The following PTPRD variants were observed in gnomAD, a reference collection of about 807,000 sequenced individuals.
PTPRD encodes protein tyrosine phosphatase receptor type D.
Under a neutral mutation model 214.5 loss-of-function variants are expected in PTPRD, and 34 were observed. That is an observed-to-expected ratio of 0.16 (90% CI 0.12 to 0.21). The LOEUF (loss-of-function observed/expected upper bound fraction) is 0.21. Ranked by LOEUF, PTPRD falls within the 10% of genes least tolerant of loss-of-function variation. The probability of loss-of-function intolerance (pLI) is 1.00; values close to 1 mark genes in which losing one functional copy is unlikely to be tolerated. For synonymous variants in PTPRD, 1,128 were observed against 845.7 expected (o/e 1.33, Z -5.79); for missense variants, 2,545 against 2,398.7 (o/e 1.06, Z -1.27).
intron 2 of PTPRD, among the ~76,000 whole-genome samples, chr9:10,560,625 G>C (rs1372150594): frequency 6.6e-6 from 1 of 150,728 alleles, no homozygotes; most frequent in Non-Finnish European, 1.5e-5. Context: ...ATCAAATATG[G>C]AGTAAGAATA....
In PTPRD at chr9:9,752,302, G is replaced by A. The variant is rs138770618; in HGVS notation, c.-326+14508C>T. Among the ~76,000 whole-genome samples, 466 of 152,082 alleles carry A rather than the reference G, an allele frequency of 3.1e-3. 9 individuals carry two copies. Among genetic ancestry groups the A allele is most frequent in the Non-Finnish European group, 1.8e-3 (125 of 67,942 alleles). Reference sequence around the variant, plus strand: ...TTCCATAAGGCTTAATGTGGACTTCGATATTTAAGTAATTCATTAGCAGGC... The same window carrying A: ...TTCCATAAGGCTTAATGTGGACTTCAATATTTAAGTAATTCATTAGCAGGC... On this transcript the variant is annotated intron_variant, in intron 6 of 45. Transcript: ENST00000381196.
At chr9:9,652,565 C>A (rs146842402) in intron 7 of PTPRD, among the ~76,000 whole-genome samples, 1 of 151,848 alleles carries the variant, frequency 6.6e-6, no homozygotes, top group Non-Finnish European at 1.5e-5. Context: ...AGGACAAATT[C>A]AAGGTCTTTT....
intron 5 of PTPRD, among the ~76,000 whole-genome samples, chr9:9,916,267 A>G (rs893345512): frequency 1.3e-5 from 2 of 152,030 alleles, no homozygotes; most frequent in Non-Finnish European, 2.9e-5. Context: ...GGTAAATACC[A>G]TCATGGAAAC....
At chr9:9,275,174 A>ATATGTT (rs1491381199) in intron 9 of PTPRD, among the ~76,000 whole-genome samples, 7 of 28,964 alleles carry the variant, frequency 2.4e-4, no homozygotes, top group African/African-American at 1.2e-3. Context: ...ACATATATAT[A>ATATGTT]ATATATATGT....
In PTPRD at chr9:8,316,140, C is replaced by G. The variant is rs568702396; in HGVS notation, c.*1734G>C. Reference sequence around the variant, plus strand: ...ATTGATTATAAAAGGAAGAAGGGCCCTGATTATCCAAGTGCTTTGGGCTGG... The same window carrying G: ...ATTGATTATAAAAGGAAGAAGGGCCGTGATTATCCAAGTGCTTTGGGCTGG... On this transcript the variant is annotated 3_prime_UTR_variant, in exon 46 of 46. Transcript: ENST00000381196. The G allele has an allele frequency of 4.3e-6, 1 of 229,978 alleles. No individual in the cohort carries two copies. The highest frequency in any genetic ancestry group is 6.2e-5 in the East Asian group (1 of 16,090). 14.2% of individuals were successfully genotyped at this position (229,978 alleles called of 1,614,324 possible).
rs2097678904 is a variant in PTPRD at position 10,373,920 on chromosome 9, T to C, written c.-599-32903A>G. ...ACTTCATTTATTTACATTATCATCA[T>C]GTTCCTTTAGGTTGTTGAGTTCACA... On this transcript the variant is annotated intron_variant, in intron 2 of 45. Coordinates refer to ENST00000381196, the MANE Select transcript of PTPRD (RefSeq NM_002839.4). Among the ~76,000 whole-genome samples, 3 of 152,232 alleles carry C rather than the reference T, an allele frequency of 2.0e-5. No homozygotes were observed. The South Asian group carries it at 6.2e-4, about 32-fold the overall frequency.
intron 12 of PTPRD, among the ~76,000 whole-genome samples, chr9:8,649,400 T>C (rs2096759504): frequency 1.3e-5 from 2 of 152,204 alleles, no homozygotes; most frequent in African/African-American, 2.4e-5. Flanking sequence ...TCTTACAGGA[T>C]AAGCTGACCA....
Position 9,180,050 on chromosome 9 carries a change from A to T in PTPRD, c.-143+3254T>A, listed in dbSNP as rs138089932. 4.0e-3 allele frequency among the ~76,000 whole-genome samples: 614 copies of T among 152,208 alleles called. 4 individuals carry two copies. The highest frequency in any genetic ancestry group is 0.013 in the African/African-American group (556 of 41,560). ...TGAAAAGTTAAGTATTTTGTGTTAC[A>T]TAAGTACCGATTGCGCCACTGGATG... On this transcript the variant is annotated intron_variant, in intron 10 of 45. Coordinates refer to ENST00000381196, the MANE Select transcript of PTPRD (RefSeq NM_002839.4).
chr9:9,634,040 C>T (rs2095676407), intron 7 of PTPRD, among the ~76,000 whole-genome samples: 1 of 152,054 alleles, frequency 6.6e-6, no homozygotes, highest in Non-Finnish European at 1.5e-5. Flanking sequence ...CATATCAGAT[C>T]TTAATTCTTT....
intron 35 of PTPRD, among the ~76,000 whole-genome samples, chr9:8,426,047 A>G (rs565523163): frequency 1.3e-5 from 2 of 152,266 alleles, no homozygotes; most frequent in East Asian, 3.9e-4. Context: ...ATGAGAAGAG[A>G]ATGTTATAGA....
intron 5 of PTPRD, among the ~76,000 whole-genome samples, chr9:9,793,984 A>C (rs2098984722): frequency 6.6e-6 from 1 of 152,080 alleles, no homozygotes; most frequent in South Asian, 2.1e-4. Flanking sequence ...AGAAATAAAA[A>C]GACTTAATCT....
At chr9:9,320,355 G>A (rs1965855964) in intron 9 of PTPRD, among the ~76,000 whole-genome samples, 1 of 152,102 alleles carries the variant, frequency 6.6e-6, no homozygotes, top group Non-Finnish European at 1.5e-5. Context: ...TGTTTGGTGA[G>A]AACCCCATAT....
chr9:9,795,528 G>C (rs140711381), intron 5 of PTPRD, among the ~76,000 whole-genome samples: 14 of 152,228 alleles, frequency 9.2e-5, no homozygotes, highest in Non-Finnish European at 1.5e-5. Context: ...TATAAGCATA[G>C]TATTGTGTTA....
chr9:9,747,141 T>G (rs2098466182), intron 6 of PTPRD, among the ~76,000 whole-genome samples: 1 of 152,026 alleles, frequency 6.6e-6, no homozygotes. Context: ...AGAATACAAG[T>G]TTTTCAAAGC....
At chr9:8,869,977 T>C (rs2154547445) in intron 11 of PTPRD, among the ~76,000 whole-genome samples, 1 of 152,230 alleles carries the variant, frequency 6.6e-6, no homozygotes, top group East Asian at 1.9e-4. Flanking sequence ...ACGAAATTTG[T>C]ACCGGACATT....
At chr9:8,329,880 G>T (rs12682837) in intron 44 of PTPRD, among the ~76,000 whole-genome samples, 56,844 of 151,510 alleles carry the variant, frequency 0.38, 11,145 homozygotes, top group South Asian at 0.57. Context: ...AGCTCGAATG[G>T]CCCAGGTGGA....
intron 2 of PTPRD, among the ~76,000 whole-genome samples, chr9:10,444,284 G>C (rs982451578): frequency 6.6e-5 from 10 of 151,688 alleles, no homozygotes; most frequent in Admixed American, 6.6e-4. Context: ...TTTCAAAATA[G>C]ACAATATCTA....
chr9:8,556,990 A>T (rs1420569060), intron 14 of PTPRD, among the ~76,000 whole-genome samples: 1 of 152,176 alleles, frequency 6.6e-6, no homozygotes, highest in Non-Finnish European at 1.5e-5. Flanking sequence ...CAATATTGGC[A>T]ATATTGGTTG....
intron 9 of PTPRD, among the ~76,000 whole-genome samples, chr9:9,360,098 T>C (rs894443065): frequency 1.3e-5 from 2 of 151,236 alleles, no homozygotes; most frequent in African/African-American, 4.8e-5. Context: ...TGTTTTCAAA[T>C]TTAATATTTG....
Sources: allele counts gnomAD v4.1 joint callset (sites outside exome capture counted in the v4.1 genomes callset), GRCh38; gene constraint gnomAD v4.1.1; transcripts MANE v1.5; gene names NCBI Gene and HGNC (gene_info 2026-07-23, HGNC 2026-07-21).